Variants in PGM5 observed in about 807,000 individuals in gnomAD.
PGM5 encodes phosphoglucomutase 5.
Under a neutral mutation model 59.2 loss-of-function variants are expected in PGM5, and 23 were observed. The observed-to-expected ratio is 0.39, with a 90% CI of 0.28 to 0.55. PGM5 has a LOEUF of 0.55. PGM5 is among the 20% of genes least tolerant of loss of function. The pLI, the probability that PGM5 is intolerant of heterozygous loss-of-function variation, is 0.66. For missense variants in PGM5, 574 were observed against 748.3 expected (o/e 0.77, Z 2.72); for synonymous variants, 214 against 286.0 (o/e 0.75, Z 2.54).
Position 68,521,912 on chromosome 9 carries a change from C to T in PGM5, c.1615-7655C>T, listed in dbSNP as rs560697228. ...CAGCGGCCAGTGCTCTTGCTCTCTC[C>T]CCTTCTCCATCCACACAGGGCATGG... On this transcript the variant is annotated intron_variant, in intron 10 of 10. Coordinates refer to ENST00000396396, the MANE Select transcript of PGM5 (RefSeq NM_021965.4). Among the ~76,000 whole-genome samples the T allele has an allele frequency of 7.9e-4, 120 of 152,232 alleles. 1 individual carries two copies. Among genetic ancestry groups the T allele is most frequent in the East Asian group, 1.2e-3 (6 of 5,178 alleles).
intron 6 of PGM5, among the ~76,000 whole-genome samples, chr9:68,443,594 A>G (rs1341044811): frequency 6.6e-6 from 1 of 152,236 alleles, no homozygotes; most frequent in East Asian, 1.9e-4. Context: ...AGCAACTACC[A>G]ATGCTAGACC....
At chr9:68,408,015 A>G (rs1822853830) in intron 6 of PGM5, among the ~76,000 whole-genome samples, 1 of 152,182 alleles carries the variant, frequency 6.6e-6, no homozygotes. Context: ...AATTCATAAC[A>G]TCACCTGGAG....
chr9:68,504,642 C>G (rs552068036), intron 10 of PGM5, among the ~76,000 whole-genome samples: 5 of 152,126 alleles, frequency 3.3e-5, no homozygotes, highest in Admixed American at 2.0e-4. Context: ...TAAAATAGCC[C>G]TCACATGCAG....
intron 10 of PGM5, among the ~76,000 whole-genome samples, chr9:68,528,175 A>G (rs1477245627): frequency 3.9e-5 from 6 of 152,194 alleles, no homozygotes; most frequent in African/African-American, 1.2e-4. Context: ...CATTATCCTA[A>G]TATTACCCAA....
chr9:68,423,079 A>G (rs538788448), intron 6 of PGM5, among the ~76,000 whole-genome samples: 1 of 152,304 alleles, frequency 6.6e-6, no homozygotes, highest in African/African-American at 2.4e-5. Flanking sequence ...GCTGAGTAGT[A>G]TTCCATTGTA....
intron 5 of PGM5, 145 bp from the exon 6 acceptor site, chr9:68,392,174 G>C: frequency 7.5e-7 from 1 of 1,334,872 alleles, no homozygotes; most frequent in African/African-American, 1.5e-5. Flanking sequence ...AGATTTCGAA[G>C]AATGTTTCCC....
intron 7 of PGM5, among the ~76,000 whole-genome samples, chr9:68,473,490 T>G (rs907103266): frequency 6.6e-6 from 1 of 152,192 alleles, no homozygotes; most frequent in Non-Finnish European, 1.5e-5. Context: ...TTAGTAGCTG[T>G]GTGGCCTCAT....
rs1554678642 is a variant in PGM5, at chr9:68,384,322, A to T, written c.425-76A>T. The stretch of plus-strand genomic sequence containing the variant: ...AAATGAATCTTTTTCTGCCTGGTGG[A>T]GGAGGATGGTAACATTTCACTGCTT... On this transcript the variant is annotated intron_variant, in intron 2 of 10. Coordinates refer to ENST00000396396, the MANE Select transcript of PGM5 (RefSeq NM_021965.4). 3 of 904,600 alleles carry T rather than the reference A, an allele frequency of 3.3e-6. No individual in the cohort carries two copies. In the Admixed American group the frequency reaches 6.0e-5, roughly 18 times the overall value. 56.0% of individuals were successfully genotyped at this position (904,600 alleles called of 1,614,324 possible). A position where few individuals can be genotyped will look rare whatever the true frequency, so the allele number is the denominator to read the frequency against.
chr9:68,445,944 A>G (rs925876299), intron 6 of PGM5, among the ~76,000 whole-genome samples: 12 of 152,366 alleles, frequency 7.9e-5, no homozygotes, highest in African/African-American at 2.9e-4. Flanking sequence ...TGTTCCTTAC[A>G]GACATGTGGT....
chr9:68,514,469 G>T (rs1231625143), intron 10 of PGM5, among the ~76,000 whole-genome samples: 2 of 152,016 alleles, frequency 1.3e-5, no homozygotes, highest in African/African-American at 2.4e-5. Context: ...GGGCATGGTG[G>T]CAGGTGCCTG....
At chr9:68,368,685 T>C (rs1563981873) in intron 1 of PGM5, among the ~76,000 whole-genome samples, 1 of 152,206 alleles carries the variant, frequency 6.6e-6, no homozygotes. Flanking sequence ...TGTTCTGTCA[T>C]CCAGGCTGGA....
intron 10 of PGM5, among the ~76,000 whole-genome samples, chr9:68,501,907 A>G (rs1824580117): frequency 1.3e-5 from 2 of 152,244 alleles, no homozygotes; most frequent in Admixed American, 1.3e-4. Context: ...TTGCAGACAT[A>G]CTCATAACAA....
chr9:68,480,709 AC>A (rs1458449351), intron 8 of PGM5, among the ~76,000 whole-genome samples: 27 of 151,838 alleles, frequency 1.8e-4, no homozygotes, highest in Non-Finnish European at 2.9e-5. Flanking sequence ...AAAAAAAAAA[AC>A]AAAACAAAAC....
chr9:68,457,803 C>CG (rs573563941), intron 6 of PGM5, among the ~76,000 whole-genome samples: 3,603 of 151,410 alleles, frequency 0.024, 134 homozygotes, highest in African/African-American at 0.08. Context: ...TTATATAAGT[C>CG]ATTTTTTTTT....
intron 7 of PGM5, among the ~76,000 whole-genome samples, chr9:68,474,433 CT>C (rs1243414372): frequency 6.6e-6 from 1 of 152,032 alleles, no homozygotes; most frequent in African/African-American, 2.4e-5. Context: ...TGAGCATTCT[CT>C]TTATTTTTCC....
intron 9 of PGM5, among the ~76,000 whole-genome samples, chr9:68,494,187 C>T (rs1587215129): frequency 6.6e-6 from 1 of 152,104 alleles, no homozygotes; most frequent in East Asian, 1.9e-4. Context: ...TGAATTCTTT[C>T]ACAGTTGCTC....
chr9:68,515,086 T>C (rs1824805493), intron 10 of PGM5, among the ~76,000 whole-genome samples: 1 of 152,224 alleles, frequency 6.6e-6, no homozygotes, highest in African/African-American at 2.4e-5. Flanking sequence ...TTGCTAAAAT[T>C]GTGGGTAGAC....
chr9:68,515,327 C>A (rs1055746362), intron 10 of PGM5, among the ~76,000 whole-genome samples: 3 of 152,106 alleles, frequency 2.0e-5, no homozygotes, highest in Non-Finnish European at 1.5e-5. Context: ...GTTTTTAGTG[C>A]CTGGTGTTAA....
At chr9:68,376,516 T>C (rs1554677670) in intron 1 of PGM5, among the ~76,000 whole-genome samples, 1 of 147,800 alleles carries the variant, frequency 6.8e-6, no homozygotes, top group African/African-American at 2.4e-5. Flanking sequence ...TGTGTGTGTG[T>C]GTGTGTGTTT....
Sources: gnomAD v4.1 joint callset for allele counts (sites outside exome capture counted in the v4.1 genomes callset) on GRCh38, gnomAD v4.1.1 for gene constraint, MANE v1.5 for transcripts, NCBI Gene and HGNC (gene_info 2026-07-23, HGNC 2026-07-21) for gene names.